G6PC1: variants seen among roughly 807,000 people sequenced by gnomAD.
The protein encoded by G6PC1 is G-6-Pase.
In G6PC1, 23 loss-of-function variants were observed where a neutral mutation model predicts 30.4. That is an observed-to-expected ratio of 0.76 (90% CI 0.55 to 1.07). The LOEUF is 1.07. G6PC1 is among the 50% of genes least tolerant of loss of function. G6PC1 has a pLI of 0.00. For missense variants in G6PC1, 391 were observed against 433.9 expected, an observed-to-expected ratio of 0.90 and a Z score of 0.88; for synonymous variants, 163 against 175.6, an observed-to-expected ratio of 0.93 and a Z score of 0.57.
chr17:42,903,163 C>T (rs1313178733), intron 1 of G6PC1, among the ~76,000 whole-genome samples: 1 of 149,204 alleles, frequency 6.7e-6, no homozygotes, highest in Non-Finnish European at 1.5e-5. Flanking sequence ...CTCACGGCAA[C>T]CTCCGCCTCC....
At chr17:42,908,928 A>C (rs2151931622) in intron 3 of G6PC1, among the ~76,000 whole-genome samples, 1 of 149,438 alleles carries the variant, frequency 6.7e-6, no homozygotes, top group Admixed American at 6.7e-5. Flanking sequence ...GGCTGGTCTC[A>C]AACTCCTGAC....
At chr17:42,908,740 G>C (rs1328861128) in intron 3 of G6PC1, among the ~76,000 whole-genome samples, 1 of 121,664 alleles carries the variant, frequency 8.2e-6, no homozygotes, top group East Asian at 2.3e-4. Context: ...TTTTGCTCTT[G>C]TTGCCCAGGC....
chr17:42,908,608 T>C lies in G6PC1; in HGVS notation c.447-695T>C, dbSNP rs1352171977. 2.7e-5 allele frequency among the ~76,000 whole-genome samples: 4 copies of C among 149,996 alleles called. No individual in the cohort carries two copies. In the South Asian group the frequency reaches 6.3e-4, roughly 24 times the overall value. ...TTTTAGTAGAGATGGGGTTTCACCA[T>C]ATTGGCCAGGCTGGTCTTGAACTCC... is the stretch of plus-strand genomic sequence containing the variant. On this transcript the variant is annotated intron_variant, in intron 3 of 4. Coordinates refer to ENST00000253801, the MANE Select transcript of G6PC1 (RefSeq NM_000151.4).
intron 2 of G6PC1, among the ~76,000 whole-genome samples, chr17:42,904,836 T>C (rs1048022896): frequency 6.6e-6 from 1 of 152,118 alleles, no homozygotes; most frequent in Non-Finnish European, 1.5e-5. Flanking sequence ...ACTAGGCCAG[T>C]TGTGGTTGCT....
intron 2 of G6PC1, among the ~76,000 whole-genome samples, chr17:42,906,299 C>T (rs866669439): frequency 3.9e-5 from 6 of 152,020 alleles, no homozygotes; most frequent in African/African-American, 1.2e-4. Context: ...AGGAGAGGTC[C>T]GGTTGTGATT....
intron 2 of G6PC1, among the ~76,000 whole-genome samples, chr17:42,905,102 ACT>A (rs1490660191): frequency 2.7e-5 from 4 of 148,602 alleles, no homozygotes; most frequent in South Asian, 2.1e-4. Context: ...ACAGAACGAG[ACT>A]CTGTCTCAAA....
At chr17:42,904,928 A>C (rs891807845) in intron 2 of G6PC1, among the ~76,000 whole-genome samples, 6 of 152,136 alleles carry the variant, frequency 3.9e-5, no homozygotes, top group Non-Finnish European at 7.3e-5. Context: ...CCTGGCCAAC[A>C]TTGCAAAATC....
intron 1 of G6PC1, among the ~76,000 whole-genome samples, chr17:42,902,883 TG>T (rs201953769): frequency 4.0e-5 from 6 of 151,644 alleles, no homozygotes; most frequent in Admixed American, 2.0e-4. Context: ...CATGTTTCCC[TG>T]GGGGGGGCTC....
In G6PC1 at chr17:42,911,238, C is replaced by T. The variant is rs1220042980; in HGVS notation, c.886C>T (p.Leu296Phe). The change falls in exon 5 of 5, where the codon CTC becomes TTC. Residue 296 changes from leucine (L) to phenylalanine (F), a missense_variant. Coordinates refer to ENST00000253801, the MANE Select transcript of G6PC1 (RefSeq NM_000151.4). ...GKLSKWLPFR[L>F]SSIVASLVLL... ...ACTCAGCAAGTGGCTCCCATTCCGC[C>T]TCAGCTCTATTGTAGCCTCCCTCGT... 1.9e-6 allele frequency: 3 copies of T among 1,614,212 alleles called. No homozygotes were observed. Among genetic ancestry groups the T allele is most frequent in the Non-Finnish European group, 2.5e-6 (3 of 1,180,042 alleles).
At chr17:42,907,416 G>C in intron 2 of G6PC1, 107 bp from the exon 3 acceptor site, 1 of 742,026 alleles carries the variant, frequency 1.3e-6, no homozygotes, top group Non-Finnish European at 2.4e-6. Context: ...ATGGATGAAT[G>C]GGTAGATGGG....
At chr17:42,901,807 CTG>C (rs1385848969) in intron 1 of G6PC1, among the ~76,000 whole-genome samples, 3 of 152,122 alleles carry the variant, frequency 2.0e-5, no homozygotes, top group African/African-American at 7.2e-5. Context: ...ACCCTGGGAA[CTG>C]GGCTCCAGCC....
intron 3 of G6PC1, 148 bp downstream of exon 3, chr17:42,907,776 G>C: frequency 1.5e-6 from 1 of 677,104 alleles, no homozygotes; most frequent in Non-Finnish European, 2.7e-6. Flanking sequence ...CTTTGGATAG[G>C]GATAAACCTC....
chr17:42,907,537 C>T lies in G6PC1; in HGVS notation c.355C>T (p.His119Tyr), dbSNP rs1332616844. The change falls in exon 3 of 5, where the codon CAT (histidine) becomes TAT (tyrosine). Residue 119 changes from histidine to tyrosine, a missense_variant. By Grantham distance (83) the His-to-Tyr change is moderately conservative (BLOSUM62 2). Transcript: ENST00000253801. ...CETGPGSPSGHAMGTAGVYYV... is the reference protein window; with the variant it reads ...CETGPGSPSGYAMGTAGVYYV... ...CTGCCCTTTAGGGAGCCCCTCTGGC[C>T]ATGCCATGGGCACAGCAGGTGTATA... The T allele has an allele frequency of 6.2e-7, 1 of 1,612,500 alleles. No homozygotes were observed. Among genetic ancestry groups the T allele is most frequent in the Non-Finnish European group, 8.5e-7 (1 of 1,178,748 alleles).
chr17:42,913,796 T>C lies in G6PC1; in HGVS notation c.*2370T>C, dbSNP rs1226600107. 1.3e-5 allele frequency among the ~76,000 whole-genome samples: 2 copies of C among 152,144 alleles called. No homozygotes were observed. Among genetic ancestry groups the C allele is most frequent in the African/African-American group, 4.8e-5 (2 of 41,430 alleles). On this transcript the variant is annotated 3_prime_UTR_variant, in exon 5 of 5. Coordinates refer to ENST00000253801, the MANE Select transcript of G6PC1 (RefSeq NM_000151.4). The stretch of plus-strand genomic sequence containing the variant: ...GTGTCAGCAAGGTTTTGGGTTATAG[T>C]TCAAGAAAGTCTAAACAGAGCCAGT...
At chr17:42,902,572 A>G (rs186177262) in intron 1 of G6PC1, among the ~76,000 whole-genome samples, 1 of 152,286 alleles carries the variant, frequency 6.6e-6, no homozygotes, top group East Asian at 1.9e-4. Flanking sequence ...AAATAAAAAG[A>G]TGAAGTGTTA....
At chr17:42,903,029 C>T (rs1414849823) in intron 1 of G6PC1, among the ~76,000 whole-genome samples, 2 of 146,660 alleles carry the variant, frequency 1.4e-5, no homozygotes, top group Non-Finnish European at 3.0e-5. Flanking sequence ...ACAAATACTT[C>T]TTGAGGTTAA....
intron 2 of G6PC1, among the ~76,000 whole-genome samples, chr17:42,905,459 C>T (rs1421616247): frequency 1.5e-5 from 2 of 132,010 alleles, no homozygotes; most frequent in Non-Finnish European, 3.2e-5. Context: ...CACACACACA[C>T]ACACACACAC....
chr17:42,911,760 T>A lies in G6PC1; in HGVS notation c.*334T>A, dbSNP rs1263551714. 1 of 387,198 alleles carries A rather than the reference T, an allele frequency of 2.6e-6. No individual in the cohort carries two copies. The highest frequency in any genetic ancestry group is 4.8e-6 in the Non-Finnish European group (1 of 206,298). 24.0% of individuals were successfully genotyped at this position (387,198 alleles called of 1,614,324 possible). A position where few individuals can be genotyped will look rare whatever the true frequency, so the allele number is the denominator to read the frequency against. Reference sequence around the variant, plus strand: ...TGGAACAGCCCATTTTATCTTTGAATGGTCTTCTGCCAGCCCATTTTGAGG... The same window carrying A: ...TGGAACAGCCCATTTTATCTTTGAAAGGTCTTCTGCCAGCCCATTTTGAGG... On this transcript the variant is annotated 3_prime_UTR_variant, in exon 5 of 5. Transcript: ENST00000253801.
chr17:42,904,234 G>A, intron 2 of G6PC1, 194 bp downstream of exon 2: 1 of 586,580 alleles, frequency 1.7e-6, no homozygotes, highest in Non-Finnish European at 3.1e-6. Context: ...GCCTATTACA[G>A]AACCTGGATG....
Sources: gnomAD v4.1 joint callset for allele counts (sites outside exome capture counted in the v4.1 genomes callset) on GRCh38, gnomAD v4.1.1 for gene constraint, MANE v1.5 for transcripts, NCBI Gene and HGNC (gene_info 2026-07-23, HGNC 2026-07-21) for gene names.